ATF2: variants seen among roughly 807,000 people sequenced by gnomAD.
The protein encoded by ATF2 is cyclic AMP-dependent transcription factor ATF-2.
ATF2 carries 24 observed loss-of-function variants against 60.6 expected under a neutral mutation model. The ratio of observed to expected loss-of-function variants is 0.40; its 90% confidence interval spans 0.29 to 0.56. ATF2 has a LOEUF of 0.56. Ranked by LOEUF, ATF2 falls within the 20% of genes least tolerant of loss-of-function variation. ATF2 has a pLI of 0.54. For synonymous variants in ATF2, 206 were observed against 215.4 expected, an observed-to-expected ratio of 0.96 and a Z score of 0.38; for missense variants, 433 against 607.7, an observed-to-expected ratio of 0.71 and a Z score of 3.02.
intron 2 of ATF2, among the ~76,000 whole-genome samples, chr2:175,146,096 T>C (rs566981189): frequency 7.9e-5 from 12 of 152,178 alleles, no homozygotes; most frequent in African/African-American, 2.6e-4. Flanking sequence ...GTAATAAGAA[T>C]GTAACAGCAT....
chr2:175,158,472 A>T (rs954708770), intron 1 of ATF2, among the ~76,000 whole-genome samples: 3 of 151,982 alleles, frequency 2.0e-5, no homozygotes, highest in African/African-American at 7.2e-5. Context: ...CTTATTTTAA[A>T]TTATCCAGGG....
chr2:175,155,211 C>T (rs2105339550), intron 1 of ATF2, among the ~76,000 whole-genome samples: 1 of 152,316 alleles, frequency 6.6e-6, no homozygotes, highest in East Asian at 1.9e-4. Flanking sequence ...AGCCCTCATT[C>T]TCCCACTTTT....
Position 175,097,310 on chromosome 2 carries a change from T to C in ATF2, c.978+134A>G, listed in dbSNP as rs139638515. On this transcript the variant is annotated intron_variant, in intron 11 of 13. Coordinates refer to ENST00000264110, the MANE Select transcript of ATF2 (RefSeq NM_001880.4). The stretch of plus-strand genomic sequence containing the variant: ...TCAATACTTGTATACTGAGCTACCT[T>C]TTCCTGAGGCTTTTGATACATCTTT... 65 of 1,288,886 alleles carry C rather than the reference T, an allele frequency of 5.0e-5. No homozygotes were observed. The African/African-American group carries it at 7.6e-4, about 15-fold the overall frequency. 79.8% of individuals were successfully genotyped at this position (1,288,886 alleles called of 1,614,324 possible). A position where few individuals can be genotyped will look rare whatever the true frequency, so the allele number is the denominator to read the frequency against.
At position 175,114,104 on chromosome 2, in the gene ATF2, C is replaced by T; in HGVS notation, c.631G>A (p.Val211Ile). The part of the protein sequence containing the change: ...APSSNRPIVP[V>I]PGPFPLLLHL... Reference sequence around the variant, plus strand: ...AACAGAAGAGGAAATGGGCCTGGTACAGGGCTAAGAAAAACAAAAGAAGAG... The same window carrying T: ...AACAGAAGAGGAAATGGGCCTGGTATAGGGCTAAGAAAAACAAAAGAAGAG... Residue 211 changes from valine to isoleucine, a missense_variant, in exon 9 of 14, where the codon GTA (valine) becomes ATA (isoleucine). Physicochemically the swap from Val to Ile is conservative, Grantham distance 29. Around this residue, in one of 5 missense-constraint regions of ATF2, gnomAD observed 246 missense variants for 309.3 expected, o/e 0.80. Transcript: ENST00000264110. The T allele has an allele frequency of 6.3e-7, 1 of 1,594,250 alleles. No individual in the cohort carries two copies. Among genetic ancestry groups the T allele is most frequent in the Non-Finnish European group, 8.5e-7 (1 of 1,173,346 alleles).
Position 175,114,806 on chromosome 2 carries a change from C to G in ATF2, c.510G>C (p.Gln170His), listed in dbSNP as rs1418657199. 1 of 1,613,920 alleles carries G rather than the reference C, an allele frequency of 6.2e-7. No individual in the cohort carries two copies. Among genetic ancestry groups the G allele is most frequent in the Non-Finnish European group, 8.5e-7 (1 of 1,179,892 alleles). ...AACTTGTAAGCAGCACATTGGGAAC[C>G]TGTAATGATGCTGGACGAACAATAG... The part of the protein sequence containing the change: ...TSAIVRPASL[Q>H]VPNVLLTSSD... Residue 170 changes from glutamine to histidine, a missense_variant, in exon 8 of 14, where the codon CAG (glutamine) becomes CAC (histidine). Gln to His is a conservative substitution (Grantham distance 24). Transcript: ENST00000264110.
At chr2:175,110,969 A>G (rs1325157884) in intron 10 of ATF2, among the ~76,000 whole-genome samples, 1 of 152,182 alleles carries the variant, frequency 6.6e-6, no homozygotes, top group Non-Finnish European at 1.5e-5. Context: ...CGTTTATAGG[A>G]TTTAGGGTTA....
chr2:175,083,227 C>T (rs1404894490), intron 12 of ATF2, among the ~76,000 whole-genome samples: 22 of 151,746 alleles, frequency 1.4e-4, no homozygotes, highest in South Asian at 8.4e-4. Flanking sequence ...GGAGGCATCA[C>T]GCTACCTGAC....
At position 175,072,695 on chromosome 2, in the gene ATF2, C is replaced by G. The variant is rs919142896; in HGVS notation, c.*1914G>C. On this transcript the variant is annotated 3_prime_UTR_variant, in exon 14 of 14. Coordinates refer to ENST00000264110, the MANE Select transcript of ATF2 (RefSeq NM_001880.4). ...CTTCTTGCAGAATTCATATTTTGTG[C>G]CTTTGAGATAACTCCTTAGAATAAT... 3.9e-5 allele frequency: 6 copies of G among 151,910 alleles called. No homozygotes were observed. Among genetic ancestry groups the G allele is most frequent in the Admixed American group, 2.0e-4 (3 of 15,246 alleles). 9.4% of individuals were successfully genotyped at this position (151,910 alleles called of 1,614,324 possible).
chr2:175,086,310 C>T (rs919617680), intron 12 of ATF2, among the ~76,000 whole-genome samples: 2 of 152,076 alleles, frequency 1.3e-5, no homozygotes, highest in African/African-American at 4.8e-5. Flanking sequence ...GCAAATGAGA[C>T]ACAATTACTG....
intron 10 of ATF2, 76 bp downstream of exon 10, chr2:175,111,492 T>G: frequency 1.5e-6 from 2 of 1,312,846 alleles, no homozygotes; most frequent in Non-Finnish European, 2.2e-6. Flanking sequence ...AATTGTGCAT[T>G]TGAAGCAGGC....
chr2:175,161,349 T>A (rs1163608575), intron 1 of ATF2, among the ~76,000 whole-genome samples: 1 of 152,262 alleles, frequency 6.6e-6, no homozygotes, highest in Non-Finnish European at 1.5e-5. Flanking sequence ...TATTTCTGAA[T>A]GAACTTCAAT....
chr2:175,095,239 A>C (rs1012638920), intron 11 of ATF2, among the ~76,000 whole-genome samples: 1 of 151,994 alleles, frequency 6.6e-6, no homozygotes, highest in Non-Finnish European at 1.5e-5. Flanking sequence ...CTCGGATTAC[A>C]GGTGCCCACC....
rs562748456 is a variant in ATF2, at chr2:175,083,721, A to G, written c.1186-2956T>C. 3.1e-3 allele frequency among the ~76,000 whole-genome samples: 465 copies of G among 152,218 alleles called. 1 individual carries two copies. The highest frequency in any genetic ancestry group is 0.011 in the African/African-American group (441 of 41,536). On this transcript the variant is annotated intron_variant, in intron 12 of 13. Coordinates refer to ENST00000264110, the MANE Select transcript of ATF2 (RefSeq NM_001880.4). ...AGTGAACAGGCAACCTACAAAATGGAAGAAAATTTTCGCAACCTACTTATC... is the reference window on the plus strand; with the variant it reads ...AGTGAACAGGCAACCTACAAAATGGGAGAAAATTTTCGCAACCTACTTATC...
chr2:175,152,119 A>T (rs1489145130), intron 1 of ATF2, among the ~76,000 whole-genome samples: 1 of 152,190 alleles, frequency 6.6e-6, no homozygotes, highest in Non-Finnish European at 1.5e-5. Flanking sequence ...ATTGGCAGAC[A>T]ATTAGTTGTT....
chr2:175,105,802 C>T (rs908723003), intron 10 of ATF2, among the ~76,000 whole-genome samples: 1 of 151,884 alleles, frequency 6.6e-6, no homozygotes, highest in Non-Finnish European at 1.5e-5. Flanking sequence ...AGTTCCCAAA[C>T]CACAATGTAA....
intron 12 of ATF2, among the ~76,000 whole-genome samples, chr2:175,086,449 A>G (rs563150063): frequency 4.6e-4 from 70 of 152,312 alleles, no homozygotes; most frequent in African/African-American, 1.7e-3. Context: ...GTATAAGCAT[A>G]TGCTAGTGGT....
At chr2:175,075,806 C>G (rs1394090429) in intron 13 of ATF2, among the ~76,000 whole-genome samples, 1 of 152,172 alleles carries the variant, frequency 6.6e-6, no homozygotes, top group Non-Finnish European at 1.5e-5. Context: ...CGTTTTTTCT[C>G]TGCAGTTTTA....
chr2:175,108,178 C>T (rs1294781150), intron 10 of ATF2, among the ~76,000 whole-genome samples: 1 of 151,994 alleles, frequency 6.6e-6, no homozygotes, highest in Admixed American at 6.5e-5. Context: ...TCTGCCCGGC[C>T]GCGACCCCGT....
intron 2 of ATF2, among the ~76,000 whole-genome samples, chr2:175,139,089 G>A (rs1251099324): frequency 6.6e-6 from 1 of 152,172 alleles, no homozygotes; most frequent in Admixed American, 6.5e-5. Context: ...ATAGCACAAT[G>A]CTCGGCACAT....
Sources: gnomAD v4.1 joint callset for allele counts (sites outside exome capture counted in the v4.1 genomes callset) on GRCh38, gnomAD v4.1.1 for gene constraint, gnomAD v4.1.1 regional missense constraint, MANE v1.5 for transcripts, NCBI Gene and HGNC (gene_info 2026-07-23, HGNC 2026-07-21) for gene names.